The following ATG2B variants were observed in gnomAD, a reference collection of about 807,000 sequenced individuals.
ATG2B encodes the protein autophagy-related protein 2 homolog B.
In ATG2B, 121 loss-of-function variants were observed where a neutral mutation model predicts 241.3. The observed-to-expected ratio is 0.50, with a 90% confidence interval of 0.43 to 0.58. The LOEUF (loss-of-function observed/expected upper bound fraction) is 0.58. Among genes scored for constraint, ATG2B ranks in the 20% least tolerant of loss-of-function variants. The pLI is 0.00. For synonymous variants in ATG2B, 858 were observed against 876.6 expected (o/e 0.98, Z 0.37); for missense variants, 2,306 against 2,491.6 (o/e 0.93, Z 1.59).
chr14:96,306,632 C>A, intron 30 of ATG2B, 82 bp downstream of exon 30: 33 of 1,190,596 alleles, frequency 2.8e-5, no homozygotes, highest in South Asian at 1.2e-4. Flanking sequence ...TTTACAAAAT[C>A]AACAGAATTT....
intron 1 of ATG2B, among the ~76,000 whole-genome samples, chr14:96,353,004 T>C (rs933407981): frequency 5.3e-5 from 8 of 152,228 alleles, no homozygotes; most frequent in East Asian, 1.9e-4. Flanking sequence ...TTTATCTTTT[T>C]AAAATTTTTA....
At chr14:96,336,509 T>G (rs1339630730) in intron 6 of ATG2B, among the ~76,000 whole-genome samples, 1 of 152,178 alleles carries the variant, frequency 6.6e-6, no homozygotes, top group African/African-American at 2.4e-5. Flanking sequence ...GTCACTAATA[T>G]ACAGAACTCT....
chr14:96,309,656 A>AT lies in ATG2B; in HGVS notation c.4162-63dup, dbSNP rs1887096134. ...TGCTCTTAAAAACCAAACTACTTAC[A>AT]TTTATTTTATCCCAAAAATACATTA... is the stretch of plus-strand genomic sequence containing the variant. On this transcript the variant is annotated intron_variant, in intron 28 of 41. Transcript: ENST00000359933. 145 of 1,462,912 alleles carry AT rather than the reference A, an allele frequency of 9.9e-5. 1 individual carries two copies. In the South Asian group the frequency reaches 1.9e-3, roughly 19 times the overall value. 90.6% of individuals were successfully genotyped at this position (1,462,912 alleles called of 1,614,324 possible).
At chr14:96,339,132 T>C (rs1219129122) in intron 6 of ATG2B, among the ~76,000 whole-genome samples, 3 of 152,010 alleles carry the variant, frequency 2.0e-5, no homozygotes, top group Admixed American at 6.6e-5. Context: ...AAACAATAGA[T>C]GTTGGGATGG....
chr14:96,363,021 G>C lies in ATG2B; in HGVS notation c.-45C>G. On this transcript the variant is annotated 5_prime_UTR_variant, in exon 1 of 42. Coordinates refer to ENST00000359933, the MANE Select transcript of ATG2B (RefSeq NM_018036.7). ...GCTGACTGCGGCTGCGGGTTGCGAC[G>C]GCTCCGGCCTCGGGGTAGCGACTCC... The C allele has an allele frequency of 1.2e-6, 2 of 1,608,778 alleles. No homozygotes were observed. Among genetic ancestry groups the C allele is most frequent in the Middle Eastern group, 3.6e-4 (2 of 5,532 alleles).
chr14:96,286,834 T>G (rs1886346818), intron 41 of ATG2B, among the ~76,000 whole-genome samples: 2 of 152,162 alleles, frequency 1.3e-5, no homozygotes, highest in South Asian at 4.1e-4. Flanking sequence ...AAAGGAACTT[T>G]GAGTTCTCCA....
At position 96,290,826 on chromosome 14, in the gene ATG2B, G is replaced by C; in HGVS notation, c.5689C>G (p.Leu1897Val). ...GAAGAAAACTCACCTAATTGTACTAGTGAATGCATAGGTCCAACACCTCCC... is the reference window on the plus strand; with the variant it reads ...GAAGAAAACTCACCTAATTGTACTACTGAATGCATAGGTCCAACACCTCCC... Reference protein sequence around the residue: ...ILGGVGPMHSLVQLVQGLKDL... With the variant: ...ILGGVGPMHSVVQLVQGLKDL... The change falls in exon 39 of 42, where the codon CTA becomes GTA. Residue 1897 changes from leucine to valine, a missense_variant. This residue lies in a region of ATG2B where 379 missense variants were observed against 480.4 expected (regional missense o/e 0.79). Transcript: ENST00000359933. The surrounding 1 kb of genome is among the most constrained non-coding windows in gnomAD (Gnocchi z 4.4). 1.2e-6 allele frequency: 2 copies of C among 1,609,750 alleles called. No individual in the cohort carries two copies. The highest frequency in any genetic ancestry group is 1.7e-4 in the Middle Eastern group (1 of 6,034).
At chr14:96,352,366 A>C (rs1888348763) in intron 1 of ATG2B, among the ~76,000 whole-genome samples, 1 of 152,096 alleles carries the variant, frequency 6.6e-6, no homozygotes, top group African/African-American at 2.4e-5. Flanking sequence ...ATTATTTTAG[A>C]GTATACTCCT....
rs1438578840 is a variant in ATG2B, at chr14:96,311,194, A to T, written c.4084T>A (p.Tyr1362Asn). The part of the protein sequence containing the change: ...SCAALMNLIQ[Y>N]IASYGDLQTP... ...TGCAAGTCACCATAGCTTGCAATGT[A>T]CTGAATGAGATTCATTAACGCAGCA... Residue 1362 changes from tyrosine (Y) to asparagine (N), a missense_variant, in exon 28 of 42, where the codon TAC (tyrosine) becomes AAC (asparagine). Transcript: ENST00000359933. The T allele has an allele frequency of 5.0e-6, 8 of 1,613,958 alleles. No individual in the cohort carries two copies. Among genetic ancestry groups the T allele is most frequent in the Non-Finnish European group, 6.8e-6 (8 of 1,179,954 alleles).
chr14:96,312,175 T>C lies in ATG2B; in HGVS notation c.3843-16A>G, dbSNP rs756066323. 2.5e-6 allele frequency: 4 copies of C among 1,585,824 alleles called. No homozygotes were observed. In the South Asian group the frequency reaches 3.4e-5, roughly 14 times the overall value. ...CAAGATTATTCTGAGGCAAGAAAGA[T>C]AAAACCAACATCTGAAAAACTAAGC... is the stretch of plus-strand genomic sequence containing the variant. On this transcript the variant is annotated splice_polypyrimidine_tract_variant and intron_variant, in intron 25 of 41. Transcript: ENST00000359933.
At chr14:96,320,496 CAA>C (rs1385889244) in intron 18 of ATG2B, among the ~76,000 whole-genome samples, 5 of 149,442 alleles carry the variant, frequency 3.3e-5, no homozygotes, top group Non-Finnish European at 5.9e-5. Context: ...AAAAAAAAGA[CAA>C]AATAGTCAGA....
chr14:96,307,626 A>G (rs557076722), intron 29 of ATG2B, among the ~76,000 whole-genome samples: 1 of 152,118 alleles, frequency 6.6e-6, no homozygotes, highest in South Asian at 2.1e-4. Context: ...TTCTTGGACA[A>G]TATTACAATG....
intron 1 of ATG2B, among the ~76,000 whole-genome samples, chr14:96,348,246 C>T (rs1353608508): frequency 3.3e-5 from 5 of 152,158 alleles, no homozygotes; most frequent in Admixed American, 2.6e-4. Flanking sequence ...GAAAAACAAA[C>T]TTTGCATGTT....
intron 11 of ATG2B, among the ~76,000 whole-genome samples, chr14:96,331,160 G>T (rs1204492518): frequency 1.3e-5 from 2 of 152,210 alleles, no homozygotes; most frequent in African/African-American, 2.4e-5. Context: ...ATCTAGATCT[G>T]TTATTCTGCA....
intron 6 of ATG2B, among the ~76,000 whole-genome samples, chr14:96,337,315 G>A (rs1355541410): frequency 2.0e-5 from 3 of 152,110 alleles, no homozygotes; most frequent in Non-Finnish European, 4.4e-5. Context: ...TGTTTTCAAG[G>A]TGTGAAAATA....
At chr14:96,317,029 T>C (rs764169482) in intron 20 of ATG2B, 116 bp downstream of exon 20, 7 of 1,022,922 alleles carry the variant, frequency 6.8e-6, no homozygotes, top group Non-Finnish European at 8.5e-6. Flanking sequence ...CTGGTCTTCA[T>C]CAGTCCCTGA....
At chr14:96,333,251 G>A (rs1887786479) in intron 8 of ATG2B, among the ~76,000 whole-genome samples, 1 of 152,060 alleles carries the variant, frequency 6.6e-6, no homozygotes, top group Admixed American at 6.6e-5. Context: ...AGTAAGCTGG[G>A]TAGAGATCAT....
intron 29 of ATG2B, among the ~76,000 whole-genome samples, chr14:96,308,268 A>ATATATATATATATG (rs1555365532): frequency 0.015 from 231 of 15,296 alleles, 2 homozygotes; most frequent in Admixed American, 0.034. Context: ...ATATATATAT[A>ATATATATATATATG]TATATATATA....
At chr14:96,350,109 C>T (rs552800598) in intron 1 of ATG2B, among the ~76,000 whole-genome samples, 93 of 152,202 alleles carry the variant, frequency 6.1e-4, no homozygotes, top group African/African-American at 2.1e-3. Context: ...TGAGCCAAGA[C>T]TGTGCCCCTA....
Sources: gnomAD v4.1 joint callset for allele counts (sites outside exome capture counted in the v4.1 genomes callset) on GRCh38, gnomAD v4.1.1 for gene constraint, gnomAD v4.1.1 regional missense constraint, Gnocchi (gnomAD v3.1) non-coding constraint, MANE v1.5 for transcripts, NCBI Gene and HGNC (gene_info 2026-07-23, HGNC 2026-07-21) for gene names.